Variants in SLC35B4 observed in about 807,000 individuals in gnomAD.
SLC35B4 encodes solute carrier family 35 member B4.
SLC35B4 carries 28 observed loss-of-function variants against 39.5 expected under a neutral mutation model. The ratio of observed to expected loss-of-function variants is 0.71; its 90% CI spans 0.53 to 0.97. SLC35B4 has a LOEUF of 0.97. Ranked by LOEUF, SLC35B4 falls within the 50% of genes least tolerant of loss-of-function variation. The pLI, the probability that SLC35B4 is intolerant of heterozygous loss-of-function variation, is 0.00. For synonymous variants in SLC35B4, 145 were observed against 150.4 expected, an observed-to-expected ratio of 0.96 and a Z score of 0.26; for missense variants, 334 against 414.3, an observed-to-expected ratio of 0.81 and a Z score of 1.68.
chr7:134,296,584 A>G, intron 8 of SLC35B4, 118 bp from the exon 9 acceptor site: 1 of 691,080 alleles, frequency 1.4e-6, no homozygotes, highest in East Asian at 2.8e-5. Flanking sequence ...CTTCCTTGCA[A>G]ATAGAATTGG....
At chr7:134,303,055 A>T (rs981372535) in intron 4 of SLC35B4, among the ~76,000 whole-genome samples, 1 of 152,172 alleles carries the variant, frequency 6.6e-6, no homozygotes, top group Admixed American at 6.5e-5. Flanking sequence ...GGTGAATATA[A>T]ATTTGATATT....
At chr7:134,299,285 A>G in intron 8 of SLC35B4, 1 of 434,094 alleles carries the variant, frequency 2.3e-6, no homozygotes, top group Non-Finnish European at 4.1e-6. Context: ...GCAAACACAC[A>G]AATTCCAAAG....
chr7:134,300,486 G>A (rs942664553), intron 6 of SLC35B4, among the ~76,000 whole-genome samples: 4 of 152,024 alleles, frequency 2.6e-5, no homozygotes, highest in Non-Finnish European at 5.9e-5. Context: ...ACTAAGACAG[G>A]ATCAGATTGC....
intron 3 of SLC35B4, among the ~76,000 whole-genome samples, chr7:134,305,528 G>C (rs192983528): frequency 6.6e-6 from 1 of 152,182 alleles, no homozygotes; most frequent in East Asian, 1.9e-4. Context: ...TTGTTCAAGG[G>C]TCAACTGTAA....
upstream of SLC35B4, among the ~76,000 whole-genome samples, chr7:134,318,784 A>T (rs1471600077): frequency 1.3e-5 from 2 of 152,226 alleles, no homozygotes; most frequent in Non-Finnish European, 2.9e-5. Context: ...TGATTGCACA[A>T]GAAAAAAATG....
chr7:134,309,231 A>G (rs933820575), intron 2 of SLC35B4, 135 bp downstream of exon 2: 14 of 580,920 alleles, frequency 2.4e-5, no homozygotes, highest in Admixed American at 2.1e-4. Context: ...TTAAATTCAG[A>G]AAATGACTTA....
chr7:134,297,503 G>A (rs1331464103), intron 8 of SLC35B4, among the ~76,000 whole-genome samples: 2 of 152,006 alleles, frequency 1.3e-5, no homozygotes, highest in African/African-American at 4.8e-5. Flanking sequence ...CATAAACAAA[G>A]GCACTTTCAT....
At chr7:134,301,654 A>G (rs1803584134) in intron 6 of SLC35B4, 107 bp downstream of exon 6, 2 of 1,035,996 alleles carry the variant, frequency 1.9e-6, no homozygotes, top group South Asian at 2.8e-5. Flanking sequence ...CTTCCATGGC[A>G]TAATTTGTTT....
In SLC35B4 at chr7:134,292,180, AGTTT is replaced by A. The variant is rs141683819; in HGVS notation, c.*2649_*2652del. On this transcript the variant is annotated 3_prime_UTR_variant, in exon 10 of 10. Coordinates refer to ENST00000378509, the MANE Select transcript of SLC35B4 (RefSeq NM_032826.5). ...GTAGGAGTCTGATCTTCTACAAAATAGTTTATTTGTCTTTTTAATAAAGGTTGAA... is the reference window on the plus strand; with the variant it reads ...GTAGGAGTCTGATCTTCTACAAAATAATTTGTCTTTTTAATAAAGGTTGAA... 279 of 154,870 alleles carry A rather than the reference AGTTT, an allele frequency of 1.8e-3. 4 individuals carry two copies. The highest frequency in any genetic ancestry group is 6.1e-3 in the African/African-American group (254 of 41,646). 9.6% of individuals were successfully genotyped at this position (154,870 alleles called of 1,614,324 possible). A position where few individuals can be genotyped will look rare whatever the true frequency, so the allele number is the denominator to read the frequency against.
chr7:134,307,571 G>T (rs1803737956), intron 2 of SLC35B4, among the ~76,000 whole-genome samples: 1 of 152,136 alleles, frequency 6.6e-6, no homozygotes, highest in African/African-American at 2.4e-5. Flanking sequence ...TTCCTATATT[G>T]AGTAAGAGAA....
intron 1 of SLC35B4, 141 bp downstream of exon 1, chr7:134,316,534 T>C: frequency 1.2e-6 from 1 of 802,544 alleles, no homozygotes. Flanking sequence ...GACGGATTGC[T>C]GGGGGGCTCA....
intron 4 of SLC35B4, among the ~76,000 whole-genome samples, chr7:134,303,289 G>A (rs370846433): frequency 1.8e-4 from 28 of 152,184 alleles, no homozygotes; most frequent in African/African-American, 6.0e-4. Flanking sequence ...AGAAAGACCC[G>A]TAACATTTTG....
At chr7:134,295,674 C>T (rs1293881592) in intron 9 of SLC35B4, among the ~76,000 whole-genome samples, 1 of 152,004 alleles carries the variant, frequency 6.6e-6, no homozygotes, top group Non-Finnish European at 1.5e-5. Context: ...CAGCCTCGAT[C>T]TCCTGGGCTT....
chr7:134,316,283 G>A (rs893505600), intron 1 of SLC35B4, among the ~76,000 whole-genome samples: 1 of 152,180 alleles, frequency 6.6e-6, no homozygotes, highest in Non-Finnish European at 1.5e-5. Context: ...GGATGGGAAG[G>A]AAGAGAGAGT....
At chr7:134,310,258 A>G (rs1387830438) in intron 1 of SLC35B4, among the ~76,000 whole-genome samples, 1 of 152,206 alleles carries the variant, frequency 6.6e-6, no homozygotes, top group Non-Finnish European at 1.5e-5. Flanking sequence ...TGTGGAATTC[A>G]ATAGAGTCTC....
rs773309407 is a variant in SLC35B4 at position 134,295,076 on chromosome 7, G to A, written c.753C>T (p.Tyr251=). 8.1e-6 allele frequency: 13 copies of A among 1,613,640 alleles called. No individual in the cohort carries two copies. In the African/African-American group the frequency reaches 9.3e-5, roughly 12 times the overall value. Reference sequence around the variant, plus strand: ...GGATAAACACACCCCGGATGCACACGTACCTGGAGGAGTGGAGTCAAGGTA... The same window carrying A: ...GGATAAACACACCCCGGATGCACACATACCTGGAGGAGTGGAGTCAAGGTA... ...FYLLMNIITQ[Y]VCIRGVFILT... Residue 251 remains tyrosine (Y), a synonymous_variant, in exon 10 of 10, where the codon TAC becomes TAT. Coordinates refer to ENST00000378509, the MANE Select transcript of SLC35B4 (RefSeq NM_032826.5).
At chr7:134,317,779 A>C (rs1804024173), upstream of SLC35B4, among the ~76,000 whole-genome samples, 1 of 148,694 alleles carries the variant, frequency 6.7e-6, no homozygotes, top group African/African-American at 2.6e-5. Context: ...TGTTAAGCAC[A>C]TATTACGTAC....
At chr7:134,300,371 G>A (rs1585636658) in intron 6 of SLC35B4, 110 bp from the exon 7 acceptor site, 2 of 705,924 alleles carry the variant, frequency 2.8e-6, no homozygotes, top group East Asian at 2.7e-5. Context: ...ACTAATTGTA[G>A]AACATGTACA....
chr7:134,313,618 T>A (rs1398816299), intron 1 of SLC35B4, among the ~76,000 whole-genome samples: 1 of 152,182 alleles, frequency 6.6e-6, no homozygotes, highest in Non-Finnish European at 1.5e-5. Flanking sequence ...GGGATAAAAA[T>A]CAGAAAGAAA....
Sources: gnomAD v4.1 joint callset for allele counts (sites outside exome capture counted in the v4.1 genomes callset) on GRCh38, gnomAD v4.1.1 for gene constraint, MANE v1.5 for transcripts, NCBI Gene and HGNC (gene_info 2026-07-23, HGNC 2026-07-21) for gene names.